ARHGEF28: variants seen among roughly 807,000 people sequenced by gnomAD.
ARHGEF28 encodes 190 kDa guanine nucleotide exchange factor.
In ARHGEF28, 152 loss-of-function variants were observed where a neutral mutation model predicts 206.6. The ratio of observed to expected loss-of-function variants is 0.74; its 90% CI spans 0.64 to 0.84. The LOEUF (loss-of-function observed/expected upper bound fraction) is 0.84. Ranked by LOEUF, ARHGEF28 falls within the 40% of genes least tolerant of loss-of-function variation. The probability of loss-of-function intolerance (pLI) is 0.00; values close to 1 mark genes in which losing one functional copy is unlikely to be tolerated. For synonymous variants in ARHGEF28, 763 were observed against 776.4 expected, an observed-to-expected ratio of 0.98 and a Z score of 0.29; for missense variants, 2,028 against 2,073.2, an observed-to-expected ratio of 0.98 and a Z score of 0.42.
chr5:73,847,173 T>C lies in ARHGEF28; in HGVS notation c.1635+698T>C, dbSNP rs72772525. On this transcript the variant is annotated intron_variant, in intron 12 of 35. Transcript: ENST00000513042. ...TTTTCTTCTTAAGTTTACTTATTAC[T>C]ATAAAACAATGTGTGCTATGGCAAA... Among the ~76,000 whole-genome samples the C allele has an allele frequency of 3.2e-3, 485 of 152,362 alleles. 2 individuals carry two copies. Among genetic ancestry groups the C allele is most frequent in the South Asian group, 8.3e-3 (40 of 4,834 alleles).
At chr5:73,776,777 T>A in intron 6 of ARHGEF28, 81 bp downstream of exon 6, 2 of 1,355,780 alleles carry the variant, frequency 1.5e-6, no homozygotes, top group Non-Finnish European at 2.0e-6. Flanking sequence ...GAGAACAGTG[T>A]TTTTTGGGGG....
At chr5:73,698,610 G>A (rs1209955530) in intron 2 of ARHGEF28, among the ~76,000 whole-genome samples, 1 of 151,998 alleles carries the variant, frequency 6.6e-6, no homozygotes, top group Non-Finnish European at 1.5e-5. Flanking sequence ...TTTTTTCAAA[G>A]ATGGAGGAAA....
chr5:73,794,608 C>CTT (rs137906752), intron 8 of ARHGEF28, among the ~76,000 whole-genome samples, 154 bp downstream of exon 8: 58 of 132,582 alleles, frequency 4.4e-4, no homozygotes, highest in African/African-American at 1.3e-3. Context: ...CTTTTTCTTT[C>CTT]TTTTTTTTTT....
chr5:73,699,920 C>T (rs1038712025), intron 2 of ARHGEF28, among the ~76,000 whole-genome samples: 21 of 152,192 alleles, frequency 1.4e-4, no homozygotes, highest in African/African-American at 5.1e-4. Context: ...GTGTGAGTCT[C>T]ACCTGCCAAC....
At chr5:73,880,083 C>G (rs1434012375) in intron 22 of ARHGEF28, among the ~76,000 whole-genome samples, 1 of 152,228 alleles carries the variant, frequency 6.6e-6, no homozygotes, top group Non-Finnish European at 1.5e-5. Flanking sequence ...GCTCTACCCA[C>G]TTGGAGCTTC....
intron 1 of ARHGEF28, chr5:73,627,042 C>T (rs1389255474): frequency 6.6e-6 from 1 of 152,190 alleles, no homozygotes; most frequent in African/African-American, 2.4e-5. Flanking sequence ...AAACTGGGTG[C>T]TCAGGCGGCC....
intron 10 of ARHGEF28, among the ~76,000 whole-genome samples, chr5:73,835,504 A>C (rs1043430402): frequency 8.6e-5 from 13 of 151,280 alleles, no homozygotes; most frequent in African/African-American, 3.1e-4. Flanking sequence ...ACTGGGTTCA[A>C]GAGATTCTGG....
chr5:73,692,759 G>A (rs574406042), intron 2 of ARHGEF28, among the ~76,000 whole-genome samples: 2 of 152,370 alleles, frequency 1.3e-5, no homozygotes, highest in African/African-American at 2.4e-5. Flanking sequence ...CCAGCTCAGG[G>A]AAGCAGCTTC....
chr5:73,791,226 C>T (rs766507836), intron 7 of ARHGEF28, among the ~76,000 whole-genome samples: 3 of 152,144 alleles, frequency 2.0e-5, no homozygotes, highest in Non-Finnish European at 4.4e-5. Flanking sequence ...GAGCGGAAAT[C>T]GATCTGGTCC....
chr5:73,843,180 G>T (rs1268453259), intron 11 of ARHGEF28, among the ~76,000 whole-genome samples: 1 of 152,134 alleles, frequency 6.6e-6, no homozygotes, highest in African/African-American at 2.4e-5. Context: ...GTCTTGGAAA[G>T]TTTAACATTT....
chr5:73,790,293 G>A (rs1210552573), intron 7 of ARHGEF28, among the ~76,000 whole-genome samples: 3 of 151,716 alleles, frequency 2.0e-5, no homozygotes, highest in Non-Finnish European at 4.4e-5. Flanking sequence ...CTGTGTAAGA[G>A]GAGGGACTTC....
At chr5:73,835,461 C>A (rs1490529309) in intron 10 of ARHGEF28, among the ~76,000 whole-genome samples, 1 of 142,218 alleles carries the variant, frequency 7.0e-6, no homozygotes, top group Admixed American at 7.0e-5. Flanking sequence ...CAGAGCAAGA[C>A]TCTGTCTCAA....
chr5:73,648,687 C>T (rs777052313), intron 1 of ARHGEF28, among the ~76,000 whole-genome samples: 5 of 152,180 alleles, frequency 3.3e-5, no homozygotes, highest in Non-Finnish European at 7.3e-5. Context: ...GAATACCTTT[C>T]CTGGGCTGGC....
intron 1 of ARHGEF28, among the ~76,000 whole-genome samples, chr5:73,646,715 C>CT (rs1744450136): frequency 6.6e-6 from 1 of 152,196 alleles, no homozygotes; most frequent in African/African-American, 2.4e-5. Flanking sequence ...CTTTAGGAAT[C>CT]TTTCTTTTCT....
intron 7 of ARHGEF28, among the ~76,000 whole-genome samples, chr5:73,791,430 A>G (rs1754476977): frequency 6.6e-6 from 1 of 152,170 alleles, no homozygotes; most frequent in Non-Finnish European, 1.5e-5. Context: ...TTTTGACACT[A>G]CCCTGTAGAT....
intron 12 of ARHGEF28, among the ~76,000 whole-genome samples, chr5:73,847,948 A>T (rs1389367300): frequency 6.6e-6 from 1 of 152,154 alleles, no homozygotes; most frequent in Admixed American, 6.5e-5. Context: ...CCATTTTTCA[A>T]CTTTCCTCCA....
At chr5:73,815,190 G>GTATATA (rs34284444) in intron 9 of ARHGEF28, among the ~76,000 whole-genome samples, 93 of 148,542 alleles carry the variant, frequency 6.3e-4, no homozygotes, top group Admixed American at 2.0e-3. Context: ...GATTCAGGGG[G>GTATATA]TATATATATA....
At chr5:73,729,520 C>G (rs566507028) in intron 2 of ARHGEF28, among the ~76,000 whole-genome samples, 2 of 152,140 alleles carry the variant, frequency 1.3e-5, no homozygotes, top group Non-Finnish European at 2.9e-5. Flanking sequence ...AAATATTGAA[C>G]AATTCTCATT....
intron 24 of ARHGEF28, among the ~76,000 whole-genome samples, chr5:73,884,400 G>A (rs1460538934): frequency 6.6e-6 from 1 of 152,180 alleles, no homozygotes; most frequent in East Asian, 1.9e-4. Context: ...CTCCTTGTGG[G>A]ATCTATAAGA....
Sources: gnomAD v4.1 joint callset for allele counts (sites outside exome capture counted in the v4.1 genomes callset) on GRCh38, gnomAD v4.1.1 for gene constraint, MANE v1.5 for transcripts, NCBI Gene and HGNC (gene_info 2026-07-23, HGNC 2026-07-21) for gene names.